ME2: variants seen among roughly 807,000 people sequenced by gnomAD.
ME2 encodes NAD-dependent malic enzyme, mitochondrial.
A neutral mutation model predicts 73.7 loss-of-function variants in ME2; 60 were observed. The observed-to-expected ratio is 0.81, with a 90% CI of 0.66 to 1.01. The LOEUF is 1.01. Among genes scored for constraint, ME2 ranks in the 50% least tolerant of loss-of-function variants. The probability of loss-of-function intolerance (pLI) is 0.00; values close to 1 mark genes in which losing one functional copy is unlikely to be tolerated. For missense variants in ME2, 594 were observed against 705.5 expected (o/e 0.84, Z 1.79); for synonymous variants, 199 against 236.9 (o/e 0.84, Z 1.47).
intron 1 of ME2, among the ~76,000 whole-genome samples, chr18:50,886,323 A>G (rs1916469176): frequency 1.3e-5 from 2 of 149,696 alleles, no homozygotes; most frequent in Admixed American, 1.3e-4. Context: ...GGCTCACTGT[A>G]ACCTTCACCT....
At position 50,916,321 on chromosome 18, in the gene ME2, T is replaced by C; in HGVS notation, c.468+78T>C. The C allele has an allele frequency of 1.8e-6, 2 of 1,130,582 alleles. 1 individual carries two copies. Among genetic ancestry groups the C allele is most frequent in the South Asian group, 2.7e-5 (2 of 74,958 alleles). 70.0% of individuals were successfully genotyped at this position (1,130,582 alleles called of 1,614,324 possible). On this transcript the variant is annotated intron_variant, in intron 5 of 15. Coordinates refer to ENST00000321341, the MANE Select transcript of ME2 (RefSeq NM_002396.5). ...TACCTCTAAATCTCCAAGAACAGTT[T>C]TTCATTGTTGCTCTCATTTATTTTG...
intron 2 of ME2, among the ~76,000 whole-genome samples, chr18:50,903,593 G>T (rs1002534892): frequency 6.6e-6 from 1 of 152,102 alleles, no homozygotes; most frequent in Non-Finnish European, 1.5e-5. Flanking sequence ...GGTACTACAG[G>T]CATGTGCCAC....
chr18:50,939,555 T>G lies in ME2; in HGVS notation c.1418-15T>G. On this transcript the variant is annotated splice_polypyrimidine_tract_variant and intron_variant, in intron 13 of 15. Coordinates refer to ENST00000321341, the MANE Select transcript of ME2 (RefSeq NM_002396.5). ...GAAAAGTGACCATACTAGTAAACTT[T>G]AAAATGTGTTCTAGGTGTGGCTTTA... The G allele has an allele frequency of 6.3e-7, 1 of 1,591,164 alleles. No individual in the cohort carries two copies. Among genetic ancestry groups the G allele is most frequent in the Admixed American group, 1.7e-5 (1 of 59,458 alleles).
chr18:50,911,987 G>A (rs557774795), intron 3 of ME2, among the ~76,000 whole-genome samples: 3 of 152,128 alleles, frequency 2.0e-5, no homozygotes, highest in Non-Finnish European at 4.4e-5. Flanking sequence ...AGGGTGGAGG[G>A]AGCTAATGGA....
At chr18:50,924,283 G>C (rs1917497187) in intron 11 of ME2, 71 bp downstream of exon 11, 1 of 1,013,426 alleles carries the variant, frequency 9.9e-7, no homozygotes, top group Non-Finnish European at 1.5e-6. Context: ...TACCATGTAG[G>C]ATTACTAAAA....
chr18:50,909,959 A>G (rs1388139833), intron 3 of ME2, among the ~76,000 whole-genome samples: 1 of 152,176 alleles, frequency 6.6e-6, no homozygotes, highest in Non-Finnish European at 1.5e-5. Flanking sequence ...TACAGATAGT[A>G]AGGATAAGTA....
At chr18:50,904,556 T>A (rs1916970834) in intron 2 of ME2, among the ~76,000 whole-genome samples, 1 of 152,146 alleles carries the variant, frequency 6.6e-6, no homozygotes, top group African/African-American at 2.4e-5. Context: ...GTGTTGGGAT[T>A]ACAGGCGTGA....
At chr18:50,923,671 G>A (rs921605803) in intron 10 of ME2, among the ~76,000 whole-genome samples, 3 of 152,174 alleles carry the variant, frequency 2.0e-5, no homozygotes, top group Non-Finnish European at 4.4e-5. Flanking sequence ...AGGATCACCT[G>A]AGCCCGGGGA....
intron 10 of ME2, among the ~76,000 whole-genome samples, chr18:50,923,852 G>A (rs139148710): frequency 1.2e-3 from 177 of 152,276 alleles, no homozygotes; most frequent in African/African-American, 4.1e-3. Context: ...ACCTCATAGT[G>A]TAAATGCATT....
Position 50,917,395 on chromosome 18 carries a change from G to C in ME2, c.517G>C (p.Gly173Arg). Residue 173 changes from glycine to arginine, a missense_variant, in exon 6 of 16, where the codon GGT (glycine) becomes CGT (arginine). Coordinates refer to ENST00000321341, the MANE Select transcript of ME2 (RefSeq NM_002396.5). ...GAGAATTCTGGGTCTTGGAGATCTG[G>C]GTGTCTATGGAATGGGAATTCCAGT... is the stretch of plus-strand genomic sequence containing the variant. ...GERILGLGDL[G>R]VYGMGIPVGK... The C allele has an allele frequency of 1.9e-6, 3 of 1,613,550 alleles. No individual in the cohort carries two copies. The highest frequency in any genetic ancestry group is 2.5e-6 in the Non-Finnish European group (3 of 1,179,684).
At chr18:50,939,869 T>C in intron 14 of ME2, 1 of 485,296 alleles carries the variant, frequency 2.1e-6, no homozygotes. Flanking sequence ...TAGACTATAC[T>C]TGCAATTTGT....
rs1599120215 is a variant in ME2, at chr18:50,932,648, C to T, written c.1417+288C>T. The T allele has an allele frequency of 1.4e-5, 3 of 218,348 alleles. No homozygotes were observed. The East Asian group carries it at 3.4e-4, about 25-fold the overall frequency. The allele number at this position is 218,348 out of a possible 1,614,324, so 13.5% of individuals were successfully genotyped here. ...AAAATTATGTAACCCTTTCTATCTC[C>T]CCTTGGTGTACCTCCTTAATCATAC... is the stretch of plus-strand genomic sequence containing the variant. On this transcript the variant is annotated intron_variant, in intron 13 of 15. Coordinates refer to ENST00000321341, the MANE Select transcript of ME2 (RefSeq NM_002396.5).
intron 1 of ME2, 143 bp from the exon 2 acceptor site, chr18:50,895,666 G>A: frequency 3.3e-6 from 2 of 607,326 alleles, no homozygotes; most frequent in Non-Finnish European, 2.9e-6. Context: ...GAAAAAGTAA[G>A]TTTTCACCTT....
At chr18:50,898,662 G>A (rs991253509) in intron 2 of ME2, among the ~76,000 whole-genome samples, 4 of 152,008 alleles carry the variant, frequency 2.6e-5, no homozygotes, top group African/African-American at 9.7e-5. Context: ...TGAACTCCTG[G>A]GCTCAGGTGA....
At chr18:50,920,271 C>CT (rs1423703437) in intron 7 of ME2, among the ~76,000 whole-genome samples, 185 bp from the exon 8 acceptor site, 2 of 152,160 alleles carry the variant, frequency 1.3e-5, no homozygotes, top group East Asian at 3.9e-4. Flanking sequence ...ACACCTCATA[C>CT]TTTTTTTATT....
chr18:50,912,411 A>G (rs991518978), intron 3 of ME2, among the ~76,000 whole-genome samples: 2 of 152,134 alleles, frequency 1.3e-5, no homozygotes, highest in East Asian at 1.9e-4. Flanking sequence ...GTGTTAAGCA[A>G]ATGTTTGAAT....
At chr18:50,922,472 A>G (rs1338437296) in intron 10 of ME2, among the ~76,000 whole-genome samples, 4 of 152,248 alleles carry the variant, frequency 2.6e-5, no homozygotes, top group Admixed American at 2.0e-4. Flanking sequence ...ACTAGTATGT[A>G]AGGCACAAGG....
chr18:50,940,446 T>A, intron 15 of ME2, 60 bp downstream of exon 15: 1 of 1,133,652 alleles, frequency 8.8e-7, no homozygotes. Flanking sequence ...ATACAAGAAA[T>A]ACAGGTTTAT....
intron 1 of ME2, 31 bp downstream of exon 1, chr18:50,879,339 G>A (rs933553698): frequency 1.3e-5 from 2 of 151,702 alleles, no homozygotes; most frequent in Non-Finnish European, 2.9e-5. Context: ...GCCCGGGCGG[G>A]GGTCCGGGAG....
Sources: gnomAD v4.1 joint callset for allele counts (sites outside exome capture counted in the v4.1 genomes callset) on GRCh38, gnomAD v4.1.1 for gene constraint, MANE v1.5 for transcripts, NCBI Gene and HGNC (gene_info 2026-07-23, HGNC 2026-07-21) for gene names.